The following HMGB3 variants were observed in gnomAD, a reference collection of about 807,000 sequenced individuals.
HMGB3 encodes the protein high mobility group protein B3.
A neutral mutation model predicts 12.9 loss-of-function variants in HMGB3; 1 was observed. The observed-to-expected ratio is 0.08, with a 90% CI of 0.03 to 0.37. The LOEUF (loss-of-function observed/expected upper bound fraction) is 0.37. HMGB3 is among the 10% of genes least tolerant of loss of function. The probability of loss-of-function intolerance (pLI) is 0.99; values close to 1 mark genes in which losing one functional copy is unlikely to be tolerated. For missense variants in HMGB3, 74 were observed against 153.3 expected, an observed-to-expected ratio of 0.48 and a Z score of 2.73; for synonymous variants, 61 against 53.9, an observed-to-expected ratio of 1.13 and a Z score of -0.57.
chrX:150,983,906 A>T (rs1557425158), intron 1 of HMGB3, among the ~76,000 whole-genome samples: 1 of 104,715 alleles, frequency 9.5e-6, no homozygotes, highest in East Asian at 3.1e-4. Flanking sequence ...GCACGGGCAA[A>T]CTTCGCTCCC....
At chrX:150,983,777 G>A (rs1557425149) in intron 1 of HMGB3, among the ~76,000 whole-genome samples, 1 of 107,213 alleles carries the variant, frequency 9.3e-6, no homozygotes. Flanking sequence ...GGCTGTGGGC[G>A]CTGGGCGGCG....
upstream of HMGB3, among the ~76,000 whole-genome samples, chrX:150,981,034 A>C (rs1355573972): frequency 9.0e-6 from 1 of 111,429 alleles, no homozygotes; most frequent in Non-Finnish European, 1.9e-5. Flanking sequence ...GTGCTCTGGC[A>C]GAGGCGAGGT....
In HMGB3 at chrX:150,989,536, A is replaced by T. The variant is rs1557425341; in HGVS notation, c.*1622A>T. 1 of 111,774 alleles carries T rather than the reference A, an allele frequency of 8.9e-6. No homozygotes were observed. The highest frequency in any genetic ancestry group is 3.3e-5 in the African/African-American group (1 of 30,721). The allele number at this position is 111,774 out of a possible 1,213,427, so 9.2% of individuals were successfully genotyped here. A position where few individuals can be genotyped will look rare whatever the true frequency, so the allele number is the denominator to read the frequency against. ...GAGCTTGGTTTGTGTGTCAGTGGTTATATTAGTGGGTAGTGTAACATTTTA... is the reference window on the plus strand; with the variant it reads ...GAGCTTGGTTTGTGTGTCAGTGGTTTTATTAGTGGGTAGTGTAACATTTTA... On this transcript the variant is annotated 3_prime_UTR_variant, in exon 5 of 5. Transcript: ENST00000325307.
chrX:150,983,402 CCG>C, intron 1 of HMGB3, 26 bp downstream of exon 1: 1 of 6,240 alleles, frequency 1.6e-4, no homozygotes. Flanking sequence ...CCCGCTCCCG[CCG>C]CCGCCGCCGC....
rs1323640915 is a variant in HMGB3, at chrX:150,988,200, GT to G, written c.*288del. On this transcript the variant is annotated 3_prime_UTR_variant, in exon 5 of 5. Transcript: ENST00000325307. Reference sequence around the variant, plus strand: ...TTCTCCTCACTCTGTGCACTTTGCTGTTGGTGTGACAAGGCATTTAAAGATG... The same window carrying G: ...TTCTCCTCACTCTGTGCACTTTGCTGTGGTGTGACAAGGCATTTAAAGATG... 1.3e-5 allele frequency: 3 copies of G among 229,939 alleles called. No individual in the cohort carries two copies. The East Asian group carries it at 2.2e-4, about 17-fold the overall frequency. 18.9% of individuals were successfully genotyped at this position (229,939 alleles called of 1,213,427 possible). A position where few individuals can be genotyped will look rare whatever the true frequency, so the allele number is the denominator to read the frequency against.
upstream of HMGB3, among the ~76,000 whole-genome samples, chrX:150,982,360 G>T (rs782075571): frequency 1.4e-4 from 16 of 111,737 alleles, no homozygotes; most frequent in Non-Finnish European, 3.0e-4. Context: ...GAAAAACATT[G>T]CCTGAATCCC....
intron 1 of HMGB3, among the ~76,000 whole-genome samples, chrX:150,984,078 G>A (rs1329735593): frequency 0.015 from 1,539 of 100,051 alleles, 34 homozygotes; most frequent in African/African-American, 0.051. Flanking sequence ...TGGCTGGCGC[G>A]GCGCTGGCCT....
At chrX:150,981,024 G>A (rs2047989650), upstream of HMGB3, among the ~76,000 whole-genome samples, 1 of 111,601 alleles carries the variant, frequency 9.0e-6, no homozygotes, top group Admixed American at 9.5e-5. Context: ...AGAGGCTAGG[G>A]TGCTCTGGCA....
chrX:150,983,155 T>A (rs782457846), upstream of HMGB3: 5 of 353,377 alleles, frequency 1.4e-5, no homozygotes, highest in South Asian at 2.7e-4. Flanking sequence ...CGCCGGCGGG[T>A]CGTTCTGTTT....
intron 1 of HMGB3, among the ~76,000 whole-genome samples, chrX:150,985,379 G>C (rs1490487972): frequency 3.6e-5 from 4 of 111,974 alleles, no homozygotes; most frequent in Non-Finnish European, 7.5e-5. Context: ...GCAAACCAGC[G>C]CGCTTCGTGC....
At position 150,987,845 on chromosome X, in the gene HMGB3, A is replaced by G. The variant is rs2048069002; in HGVS notation, c.534A>G (p.Lys178=). 1.7e-6 allele frequency: 2 copies of G among 1,202,750 alleles called. No homozygotes were observed. Among genetic ancestry groups the G allele is most frequent in the Non-Finnish European group, 1.1e-6 (1 of 893,404 alleles). ...GAKGPAKVAR[K]KVEEEDEEEE... is the part of the protein sequence containing the mutation. ...AGGGTCCTGCTAAAGTTGCCCGGAA[A>G]AAGGTGGAAGAGGAAGATGAAGAAG... Residue 178 remains lysine (K), a synonymous_variant, in exon 5 of 5, where the codon AAA becomes AAG. Coordinates refer to ENST00000325307, the MANE Select transcript of HMGB3 (RefSeq NM_005342.4).
rs1256452236 is a variant in HMGB3 at position 150,987,989 on chromosome X, A to G, written c.*75A>G. On this transcript the variant is annotated 3_prime_UTR_variant, in exon 5 of 5. Transcript: ENST00000325307. ...GTAATTGACACATCTCTTATTTGAG[A>G]AGTGTCTGTTGCCCTCATTAGGTTT... 1 of 1,116,229 alleles carries G rather than the reference A, an allele frequency of 9.0e-7. No homozygotes were observed. The highest frequency in any genetic ancestry group is 1.2e-6 in the Non-Finnish European group (1 of 844,554). 92.0% of individuals were successfully genotyped at this position (1,116,229 alleles called of 1,213,427 possible).
chrX:150,987,742 G>T, intron 4 of HMGB3, 35 bp from the exon 5 acceptor site: 1 of 1,124,145 alleles, frequency 8.9e-7, no homozygotes, highest in East Asian at 3.0e-5. Flanking sequence ...TAAAACAGCC[G>T]CATACTCATT....
At chrX:150,987,404 A>G in intron 4 of HMGB3, 102 bp downstream of exon 4, 6 of 673,259 alleles carry the variant, frequency 8.9e-6, no homozygotes, top group Non-Finnish European at 1.1e-5. Context: ...TACTTAGCAT[A>G]GCGCTCAAGG....
intron 1 of HMGB3, among the ~76,000 whole-genome samples, chrX:150,984,935 G>A (rs1603339569): frequency 8.9e-6 from 1 of 112,261 alleles, no homozygotes; most frequent in East Asian, 2.8e-4. Flanking sequence ...GGTTACAGAT[G>A]AGCACGACTA....
At position 150,989,177 on chromosome X, in the gene HMGB3, C is replaced by T. The variant is rs1557425336; in HGVS notation, c.*1263C>T. 1.8e-5 allele frequency: 2 copies of T among 111,586 alleles called. No individual in the cohort carries two copies. The highest frequency in any genetic ancestry group is 6.5e-5 in the African/African-American group (2 of 30,648). The allele number at this position is 111,586 out of a possible 1,213,427, so 9.2% of individuals were successfully genotyped here. On this transcript the variant is annotated 3_prime_UTR_variant, in exon 5 of 5. Coordinates refer to ENST00000325307, the MANE Select transcript of HMGB3 (RefSeq NM_005342.4). ...AAGGCCTTATTGTTTTTCTCTTTCA[C>T]CCCTACCCCCCGTGCTCCTGGCACA...
intron 4 of HMGB3, 110 bp from the exon 5 acceptor site, chrX:150,987,667 G>A (rs1569566464): frequency 1.7e-6 from 1 of 598,319 alleles, no homozygotes; most frequent in South Asian, 3.1e-5. Flanking sequence ...TAGCAGCACT[G>A]TCTTACTTGA....
Position 150,988,152 on chromosome X carries a change from T to G in HMGB3, c.*238T>G. The G allele has an allele frequency of 3.0e-6, 1 of 334,795 alleles. No individual in the cohort carries two copies. The highest frequency in any genetic ancestry group is 4.3e-5 in the Admixed American group (1 of 23,410). The allele number at this position is 334,795 out of a possible 1,213,427, so 27.6% of individuals were successfully genotyped here. A position where few individuals can be genotyped will look rare whatever the true frequency, so the allele number is the denominator to read the frequency against. On this transcript the variant is annotated 3_prime_UTR_variant, in exon 5 of 5. Coordinates refer to ENST00000325307, the MANE Select transcript of HMGB3 (RefSeq NM_005342.4). ...AGTTGTACATATTTCCAAACATTTT[T>G]AAAATGAAAAGGCACTCTCGTGTTC...
chrX:150,981,490 TTC>T (rs1322895025), upstream of HMGB3, among the ~76,000 whole-genome samples: 6 of 97,087 alleles, frequency 6.2e-5, no homozygotes, highest in Admixed American at 1.1e-4. Context: ...TTTTTTTTTT[TTC>T]GGAGTCTTGC....
Sources: gnomAD v4.1 joint callset for allele counts (sites outside exome capture counted in the v4.1 genomes callset) on GRCh38, gnomAD v4.1.1 for gene constraint, MANE v1.5 for transcripts, NCBI Gene and HGNC (gene_info 2026-07-23, HGNC 2026-07-21) for gene names.